The following ENOX2 variants were observed in gnomAD, a reference collection of about 807,000 sequenced individuals.
The protein encoded by ENOX2 is ecto-NOX disulfide-thiol exchanger 2, also known as APK1 antigen.
Under a neutral mutation model 45.0 loss-of-function variants are expected in ENOX2, and 36 were observed. The observed-to-expected ratio is 0.80, with a 90% confidence interval of 0.61 to 1.06. ENOX2 has a LOEUF of 1.06. Among genes scored for constraint, ENOX2 ranks in the 50% least tolerant of loss-of-function variants. ENOX2 has a pLI of 0.00. For missense variants in ENOX2, 423 were observed against 462.5 expected (o/e 0.91, Z 0.78); for synonymous variants, 174 against 152.3 (o/e 1.14, Z -1.05).
intron 2 of ENOX2, among the ~76,000 whole-genome samples, chrX:130,879,813 G>A (rs1343509927): frequency 8.9e-6 from 1 of 111,979 alleles, no homozygotes; most frequent in Admixed American, 9.5e-5. Flanking sequence ...ACTGAAAGCA[G>A]AAATGACTGG....
At chrX:130,647,669 C>T (rs1293803860) in intron 10 of ENOX2, among the ~76,000 whole-genome samples, 1 of 112,225 alleles carries the variant, frequency 8.9e-6, no homozygotes, top group Non-Finnish European at 1.9e-5. Context: ...CCTTCACTAA[C>T]CTCAGGATTG....
intron 10 of ENOX2, among the ~76,000 whole-genome samples, chrX:130,647,116 T>G (rs2036257167): frequency 3.6e-5 from 4 of 112,268 alleles, no homozygotes; most frequent in African/African-American, 1.3e-4. Flanking sequence ...GAGCACTGTT[T>G]TAGTAGAAAT....
At chrX:130,876,412 T>C (rs1280737919) in intron 2 of ENOX2, among the ~76,000 whole-genome samples, 1 of 110,385 alleles carries the variant, frequency 9.1e-6, no homozygotes, top group African/African-American at 3.3e-5. Context: ...ATAGAGGGAG[T>C]AGATTAGTAG....
chrX:130,693,930 T>G (rs1476190886), intron 4 of ENOX2, among the ~76,000 whole-genome samples: 1 of 111,771 alleles, frequency 8.9e-6, no homozygotes, highest in African/African-American at 3.3e-5. Flanking sequence ...AGAGAGACCA[T>G]GTGGAGAGAG....
intron 13 of ENOX2, 74 bp from the exon 14 acceptor site, chrX:130,628,117 A>G (rs2035598564): frequency 3.0e-6 from 2 of 669,940 alleles, no homozygotes; most frequent in Non-Finnish European, 4.9e-6. Flanking sequence ...GTGAATAGCA[A>G]GAGCTGACTC....
rs146466471 is a variant in ENOX2, at chrX:130,703,139, G to A, written c.78C>T (p.Ala26=). The change falls in exon 4 of 15, where the codon GCC becomes GCT. Residue 26 remains alanine, a synonymous_variant. Coordinates refer to ENST00000394363, the MANE Select transcript of ENOX2 (RefSeq NM_006375.4). The stretch of plus-strand genomic sequence containing the variant: ...ACATACCAGGTAAAATTGGTTGTCC[G>A]GCAATTCCCAGCGGTGCCATTCCAA... ...NNLGMAPLGI[A]GQPILPDFDP... 15 of 1,206,121 alleles carry A rather than the reference G, an allele frequency of 1.2e-5. No homozygotes were observed. Among genetic ancestry groups the A allele is most frequent in the East Asian group, 3.0e-5 (1 of 33,639 alleles).
chrX:130,834,157 C>T (rs1485062925), intron 2 of ENOX2, among the ~76,000 whole-genome samples: 1 of 111,735 alleles, frequency 8.9e-6, no homozygotes, highest in Non-Finnish European at 1.9e-5. Context: ...ACCTTTCAGC[C>T]CATGTCTTCT....
intron 3 of ENOX2, among the ~76,000 whole-genome samples, chrX:130,751,088 G>T (rs184472111): frequency 9.0e-6 from 1 of 111,251 alleles, no homozygotes; most frequent in African/African-American, 3.3e-5. Flanking sequence ...CAATTCAGTG[G>T]AATTAAGTAC....
intron 3 of ENOX2, among the ~76,000 whole-genome samples, chrX:130,726,581 G>A (rs1369189461): frequency 3.6e-5 from 4 of 112,413 alleles, no homozygotes; most frequent in Non-Finnish European, 7.5e-5. Context: ...AAGTTTTTCC[G>A]ATAAAGGAGG....
chrX:130,722,135 G>C (rs1002133837), intron 3 of ENOX2, among the ~76,000 whole-genome samples: 2 of 111,716 alleles, frequency 1.8e-5, no homozygotes, highest in African/African-American at 6.5e-5. Flanking sequence ...TTGGTCAAAG[G>C]GGGTGAGCTG....
intron 3 of ENOX2, among the ~76,000 whole-genome samples, chrX:130,762,187 T>C (rs949449659): frequency 1.8e-5 from 2 of 112,352 alleles, no homozygotes; most frequent in Admixed American, 9.4e-5. Context: ...CTAATGTATA[T>C]ATTTGCAACT....
intron 3 of ENOX2, among the ~76,000 whole-genome samples, chrX:130,769,818 T>C (rs1255690993): frequency 8.9e-6 from 1 of 112,644 alleles, no homozygotes; most frequent in Non-Finnish European, 1.9e-5. Context: ...CTTGCATAAA[T>C]AGGCTAAATA....
At chrX:130,832,591 A>G (rs1389962719) in intron 2 of ENOX2, among the ~76,000 whole-genome samples, 1 of 111,363 alleles carries the variant, frequency 9.0e-6, no homozygotes, top group Non-Finnish European at 1.9e-5. Flanking sequence ...AATTCACTAT[A>G]GCCTACCACC....
At chrX:130,880,473 G>A (rs2078790409) in intron 2 of ENOX2, among the ~76,000 whole-genome samples, 1 of 111,621 alleles carries the variant, frequency 9.0e-6, no homozygotes, top group Admixed American at 9.5e-5. Flanking sequence ...ATCTCTTTAT[G>A]TACAGACTAC....
chrX:130,689,144 T>C, intron 4 of ENOX2, 126 bp from the exon 5 acceptor site: 1 of 484,566 alleles, frequency 2.1e-6, no homozygotes, highest in Non-Finnish European at 3.4e-6. Flanking sequence ...ACAAGCATGG[T>C]ACTTAGTATT....
intron 3 of ENOX2, among the ~76,000 whole-genome samples, chrX:130,749,964 C>T (rs1164666252): frequency 9.1e-6 from 1 of 110,062 alleles, no homozygotes; most frequent in Admixed American, 9.8e-5. Flanking sequence ...CTGTATGGTT[C>T]TCTCTCTCAG....
At chrX:130,711,255 T>A (rs770132885) in intron 3 of ENOX2, among the ~76,000 whole-genome samples, 5 of 111,902 alleles carry the variant, frequency 4.5e-5, no homozygotes. Context: ...GCAGGTGTTA[T>A]TTTGAATCTC....
intron 10 of ENOX2, among the ~76,000 whole-genome samples, chrX:130,638,080 C>CT (rs1205264387): frequency 2.3e-5 from 2 of 87,029 alleles, no homozygotes; most frequent in African/African-American, 4.3e-5. Context: ...TTTTTTTTTT[C>CT]TTTTTTTTGA....
chrX:130,679,629 T>A lies in ENOX2; in HGVS notation c.373A>T (p.Ile125Phe). ...TTCTTGCTCTTGCGAATGGCAATGA[T>A]CTCTCCACACTGCTCGAAAACTTCC... ...IVEVFEQCGEIIAIRKSKKNF... is the reference protein window; with the variant it reads ...IVEVFEQCGEFIAIRKSKKNF... The change falls in exon 6 of 15, where the codon ATC becomes TTC. Residue 125 changes from isoleucine to phenylalanine, a missense_variant. By Grantham distance (21) the Ile-to-Phe change is conservative. Around this residue, in one of 5 missense-constraint regions of ENOX2, gnomAD observed 261 missense variants for 306.8 expected, o/e 0.85. Coordinates refer to ENST00000394363, the MANE Select transcript of ENOX2 (RefSeq NM_006375.4). 8.3e-7 allele frequency: 1 copy of A among 1,210,547 alleles called. No individual in the cohort carries two copies. The highest frequency in any genetic ancestry group is 1.1e-6 in the Non-Finnish European group (1 of 894,368).
Sources: allele counts gnomAD v4.1 joint callset (sites outside exome capture counted in the v4.1 genomes callset), GRCh38; gene constraint gnomAD v4.1.1; regional missense constraint gnomAD v4.1.1; transcripts MANE v1.5; gene names NCBI Gene and HGNC (gene_info 2026-07-23, HGNC 2026-07-21).